The following DOCK3 variants were observed in gnomAD, a reference collection of about 807,000 sequenced individuals.
The protein encoded by DOCK3 is dedicator of cytokinesis protein 3.
In DOCK3, 60 loss-of-function variants were observed where a neutral mutation model predicts 265.6. That is an observed-to-expected ratio of 0.23 (90% CI 0.18 to 0.28). The LOEUF (loss-of-function observed/expected upper bound fraction) is 0.28. DOCK3 is among the 10% of genes least tolerant of loss of function. The pLI, the probability that DOCK3 is intolerant of heterozygous loss-of-function variation, is 1.00. For synonymous variants in DOCK3, 881 were observed against 938.0 expected (o/e 0.94, Z 1.11); for missense variants, 1,981 against 2,594.3 (o/e 0.76, Z 5.14).
chr3:50,865,949 T>G (rs182597001), intron 3 of DOCK3, among the ~76,000 whole-genome samples: 1 of 152,340 alleles, frequency 6.6e-6, no homozygotes, highest in East Asian at 1.9e-4. Flanking sequence ...GTTGGTATAT[T>G]TTCTTTTGAG....
intron 1 of DOCK3, among the ~76,000 whole-genome samples, chr3:50,718,771 ATTTTTTT>A (rs373965842): frequency 0.69 from 52,474 of 76,500 alleles, 17,505 homozygotes; most frequent in East Asian, 0.84. Context: ...TTGTGGGTTG[ATTTTTTT>A]TTTTTTTTTT....
chr3:51,195,792 T>A (rs572221183), intron 12 of DOCK3, among the ~76,000 whole-genome samples: 1 of 152,250 alleles, frequency 6.6e-6, no homozygotes, highest in African/African-American at 2.4e-5. Context: ...AATTTTTTTG[T>A]AGGGCCAGTC....
At chr3:50,917,875 C>T (rs1400093086) in intron 4 of DOCK3, among the ~76,000 whole-genome samples, 3 of 152,020 alleles carry the variant, frequency 2.0e-5, no homozygotes, top group South Asian at 2.1e-4. Context: ...TCATCATTTA[C>T]ATTAGGTATA....
At chr3:51,233,871 A>C (rs1044971425) in intron 19 of DOCK3, among the ~76,000 whole-genome samples, 2 of 152,196 alleles carry the variant, frequency 1.3e-5, no homozygotes, top group Non-Finnish European at 2.9e-5. Context: ...TCATCTGCTG[A>C]TCAACACCTA....
chr3:50,863,977 A>G (rs1384225843), intron 3 of DOCK3, among the ~76,000 whole-genome samples: 1 of 152,196 alleles, frequency 6.6e-6, no homozygotes, highest in African/African-American at 2.4e-5. Context: ...ATATGTACCA[A>G]GCAGGGGATT....
chr3:51,004,662 T>C (rs2078608944), intron 5 of DOCK3, among the ~76,000 whole-genome samples: 1 of 151,878 alleles, frequency 6.6e-6, no homozygotes, highest in African/African-American at 2.4e-5. Flanking sequence ...AATTTTATTC[T>C]TTTCTCTCCC....
intron 51 of DOCK3, 58 bp from the exon 52 acceptor site, chr3:51,380,067 C>A (rs1309542241): frequency 2.0e-6 from 3 of 1,534,958 alleles, no homozygotes; most frequent in Non-Finnish European, 1.8e-6. Flanking sequence ...CAAGATGGTG[C>A]TGGCATGAAG....
chr3:51,071,884 C>T (rs1010176772), intron 6 of DOCK3, among the ~76,000 whole-genome samples: 7 of 152,298 alleles, frequency 4.6e-5, no homozygotes, highest in African/African-American at 1.7e-4. Flanking sequence ...TGTCCAACAT[C>T]TCTGCCTTTT....
intron 1 of DOCK3, among the ~76,000 whole-genome samples, chr3:50,726,271 G>A (rs2037816449): frequency 6.6e-6 from 1 of 152,140 alleles, no homozygotes; most frequent in Non-Finnish European, 1.5e-5. Context: ...CAGGCTGACT[G>A]TACTACCTTC....
intron 22 of DOCK3, among the ~76,000 whole-genome samples, chr3:51,249,394 C>T (rs2079051914): frequency 7.1e-6 from 1 of 141,674 alleles, no homozygotes; most frequent in Non-Finnish European, 1.6e-5. Flanking sequence ...AGCCCCCCGC[C>T]CGGCCAGCCG....
chr3:50,690,942 C>G (rs1449063986), intron 1 of DOCK3, among the ~76,000 whole-genome samples: 1 of 151,746 alleles, frequency 6.6e-6, no homozygotes. Flanking sequence ...TGCCTGGCCT[C>G]TACTTCCTAT....
At position 51,327,145 on chromosome 3, in the gene DOCK3, A is replaced by G. The variant is rs1350179843; in HGVS notation, c.3403-2993A>G. ...ACCGTGCTGAGCCGTGTCAGCTGTC[A>G]TACCTGCCTCCTCTGCCAGATGATG... On this transcript the variant is annotated intron_variant, in intron 32 of 52. Transcript: ENST00000266037. 6.6e-5 allele frequency among the ~76,000 whole-genome samples: 10 copies of G among 152,242 alleles called. No individual in the cohort carries two copies. In the South Asian group the frequency reaches 1.0e-3, roughly 16 times the overall value.
intron 10 of DOCK3, among the ~76,000 whole-genome samples, chr3:51,148,842 A>T (rs1319464865): frequency 1.3e-5 from 2 of 152,154 alleles, no homozygotes; most frequent in African/African-American, 4.8e-5. Context: ...TTTTGGTTCC[A>T]TATGAACTTT....
chr3:50,680,771 C>T (rs930794421), intron 1 of DOCK3, among the ~76,000 whole-genome samples: 2 of 151,520 alleles, frequency 1.3e-5, no homozygotes, highest in Admixed American at 6.6e-5. Flanking sequence ...TGGGGAGTGG[C>T]GGGTTTACAG....
intron 2 of DOCK3, among the ~76,000 whole-genome samples, chr3:50,804,705 G>A (rs905539516): frequency 4.6e-5 from 7 of 151,814 alleles, no homozygotes; most frequent in African/African-American, 9.7e-5. Flanking sequence ...TCCAGCCTCC[G>A]CTTGGCATCA....
chr3:50,787,839 G>T, intron 2 of DOCK3: 1 of 1,112,224 alleles, frequency 9.0e-7, no homozygotes. Context: ...CATTGTTTAA[G>T]AACAGGAGTC....
chr3:50,961,864 A>ATTTTAATAGAAAG (rs1471945698), intron 5 of DOCK3, among the ~76,000 whole-genome samples: 1 of 152,186 alleles, frequency 6.6e-6, no homozygotes, highest in Non-Finnish European at 1.5e-5. Flanking sequence ...TGGCTTCATA[A>ATTTTAATAGAAAG]TTTTAATAGA....
chr3:51,315,868 C>T (rs2083333256), intron 32 of DOCK3, among the ~76,000 whole-genome samples: 1 of 152,094 alleles, frequency 6.6e-6, no homozygotes, highest in Non-Finnish European at 1.5e-5. Context: ...TCTGTATTGG[C>T]TTGGGAATTG....
intron 49 of DOCK3, among the ~76,000 whole-genome samples, chr3:51,365,411 A>G (rs1414973099): frequency 5.9e-5 from 9 of 152,252 alleles, no homozygotes; most frequent in South Asian, 4.1e-4. Flanking sequence ...TTTTCTAAAT[A>G]TACAATCATG....
Sources: gnomAD v4.1 joint callset for allele counts (sites outside exome capture counted in the v4.1 genomes callset) on GRCh38, gnomAD v4.1.1 for gene constraint, MANE v1.5 for transcripts, NCBI Gene and HGNC (gene_info 2026-07-23, HGNC 2026-07-21) for gene names.